The following EFL1 variants were observed in gnomAD, a reference collection of about 807,000 sequenced individuals.
EFL1 encodes elongation factor-like GTPase 1.
EFL1 carries 76 observed loss-of-function variants against 126.7 expected under a neutral mutation model. That is an observed-to-expected ratio of 0.60 (90% CI 0.50 to 0.73). The LOEUF (loss-of-function observed/expected upper bound fraction) is 0.73, where lower values mean the gene tolerates loss of function less well. Among genes scored for constraint, EFL1 ranks in the 30% least tolerant of loss-of-function variants. The pLI, the probability that EFL1 is intolerant of heterozygous loss-of-function variation, is 0.00. For missense variants in EFL1, 1,128 were observed against 1,343.2 expected, an observed-to-expected ratio of 0.84 and a Z score of 2.50; for synonymous variants, 410 against 448.4, an observed-to-expected ratio of 0.91 and a Z score of 1.08.
At chr15:82,185,134 A>C (rs2074289737) in intron 15 of EFL1, among the ~76,000 whole-genome samples, 1 of 151,574 alleles carries the variant, frequency 6.6e-6, no homozygotes, top group Admixed American at 6.6e-5. Context: ...CCAACTCAGA[A>C]GACATACAAA....
chr15:82,186,385 C>G (rs1025226792), intron 15 of EFL1, among the ~76,000 whole-genome samples: 14 of 152,292 alleles, frequency 9.2e-5, no homozygotes, highest in Admixed American at 2.0e-4. Context: ...TTGTCTGGCT[C>G]TTTAGTAAAG....
rs1256546739 is a variant in EFL1, at chr15:82,237,889, T to C, written c.731+418A>G. On this transcript the variant is annotated intron_variant, in intron 7 of 19. Transcript: ENST00000268206. ...ACTTGGATAAGTCTCTAGAGAATCA[T>C]GCTAAGTGAAAAAAATCAATTTAAA... 3.3e-5 allele frequency among the ~76,000 whole-genome samples: 5 copies of C among 152,270 alleles called. No individual in the cohort carries two copies. The East Asian group carries it at 7.7e-4, about 24-fold the overall frequency.
At chr15:82,262,097 G>T in intron 1 of EFL1, 1 of 244,706 alleles carries the variant, frequency 4.1e-6, no homozygotes, top group Non-Finnish European at 7.9e-6. Flanking sequence ...GCCGGTGGAG[G>T]AGTACTCCAG....
intron 16 of EFL1, 31 bp from the exon 17 acceptor site, chr15:82,157,891 T>C (rs1355003586): frequency 1.2e-6 from 2 of 1,600,312 alleles, no homozygotes; most frequent in African/African-American, 1.3e-5. Flanking sequence ...AGATTAAATA[T>C]GATATAAGAA....
At chr15:82,252,892 T>C in intron 3 of EFL1, 117 bp from the exon 4 acceptor site, 1 of 744,918 alleles carries the variant, frequency 1.3e-6, no homozygotes, top group Non-Finnish European at 2.2e-6. Context: ...TTTTTATTTA[T>C]TTTTGTAGAG....
chr15:82,132,683 G>GT (rs796528223), intron 19 of EFL1, among the ~76,000 whole-genome samples: 3 of 58,894 alleles, frequency 5.1e-5, no homozygotes, highest in East Asian at 9.5e-4. Context: ...CCAGGAATTG[G>GT]GGGGGGGGGG....
At chr15:82,141,899 A>G (rs1263582188) in intron 18 of EFL1, among the ~76,000 whole-genome samples, 1 of 152,194 alleles carries the variant, frequency 6.6e-6, no homozygotes, top group Non-Finnish European at 1.5e-5. Flanking sequence ...TATAGTTAAC[A>G]TGTAATTTTG....
intron 18 of EFL1, among the ~76,000 whole-genome samples, chr15:82,145,678 C>CA (rs1293741217): frequency 6.6e-6 from 1 of 150,888 alleles, no homozygotes; most frequent in East Asian, 2.0e-4. Flanking sequence ...ACTAAAAATA[C>CA]AAAAAAATAG....
chr15:82,219,614 G>C (rs765495448), intron 14 of EFL1, 38 bp downstream of exon 14: 1 of 1,568,264 alleles, frequency 6.4e-7, no homozygotes, highest in Non-Finnish European at 8.6e-7. Flanking sequence ...TCAGACCCTC[G>C]AGAAACAATA....
chr15:82,245,886 G>A (rs899076504), intron 4 of EFL1, among the ~76,000 whole-genome samples: 2 of 150,292 alleles, frequency 1.3e-5, no homozygotes, highest in Admixed American at 1.3e-4. Context: ...AGTGAGCTAT[G>A]ATCACCACTG....
chr15:82,224,947 A>G (rs1266042350), intron 12 of EFL1, among the ~76,000 whole-genome samples: 1 of 152,236 alleles, frequency 6.6e-6, no homozygotes, highest in Non-Finnish European at 1.5e-5. Context: ...ACTTCAATTC[A>G]ATATTCCAGA....
intron 15 of EFL1, among the ~76,000 whole-genome samples, chr15:82,195,706 T>C (rs1274971220): frequency 2.0e-5 from 3 of 152,202 alleles, no homozygotes; most frequent in African/African-American, 7.2e-5. Context: ...AAACTTCTAT[T>C]CCATTTCTGT....
intron 15 of EFL1, among the ~76,000 whole-genome samples, chr15:82,193,620 C>G (rs1478841256): frequency 2.0e-5 from 3 of 152,354 alleles, no homozygotes; most frequent in African/African-American, 7.2e-5. Context: ...TTTTGTCAGG[C>G]ACTGTAAACT....
At chr15:82,160,700 C>T (rs2074014320) in intron 16 of EFL1, among the ~76,000 whole-genome samples, 1 of 152,130 alleles carries the variant, frequency 6.6e-6, no homozygotes, top group Non-Finnish European at 1.5e-5. Flanking sequence ...AAACAAATTA[C>T]TCTGCTCAGA....
chr15:82,149,130 T>TA (rs1183451176), intron 18 of EFL1, among the ~76,000 whole-genome samples: 2 of 152,200 alleles, frequency 1.3e-5, no homozygotes, highest in Non-Finnish European at 2.9e-5. Context: ...ATCAATGTGT[T>TA]AAGATGGTGG....
intron 19 of EFL1, among the ~76,000 whole-genome samples, chr15:82,135,631 T>C (rs1479970153): frequency 6.6e-6 from 1 of 152,162 alleles, no homozygotes; most frequent in African/African-American, 2.4e-5. Context: ...TTCCAACAAA[T>C]TTTATTTATC....
intron 15 of EFL1, among the ~76,000 whole-genome samples, chr15:82,195,472 C>A (rs2074399370): frequency 6.6e-6 from 1 of 152,174 alleles, no homozygotes; most frequent in Non-Finnish European, 1.5e-5. Flanking sequence ...GAAATTAATT[C>A]TTGGGGAACA....
intron 15 of EFL1, among the ~76,000 whole-genome samples, chr15:82,168,418 A>G (rs959991891): frequency 6.6e-6 from 1 of 152,202 alleles, no homozygotes; most frequent in Non-Finnish European, 1.5e-5. Context: ...TCTTGGTGTT[A>G]TAGTAGGCCT....
intron 4 of EFL1, among the ~76,000 whole-genome samples, chr15:82,246,265 T>C (rs1412739507): frequency 6.6e-6 from 1 of 152,096 alleles, no homozygotes. Context: ...CACATCCACA[T>C]TGTCTTGATT....
Sources: allele counts gnomAD v4.1 joint callset (sites outside exome capture counted in the v4.1 genomes callset), GRCh38; gene constraint gnomAD v4.1.1; transcripts MANE v1.5; gene names NCBI Gene and HGNC (gene_info 2026-07-23, HGNC 2026-07-21).